The following PDE11A variants were observed in gnomAD, a reference collection of about 807,000 sequenced individuals.
PDE11A encodes the protein dual 3',5'-cyclic-AMP and -GMP phosphodiesterase 11A.
In PDE11A, 100 loss-of-function variants were observed where a neutral mutation model predicts 100.5. The ratio of observed to expected loss-of-function variants is 1.00; its 90% CI spans 0.85 to 1.18. The LOEUF (loss-of-function observed/expected upper bound fraction) is 1.18. PDE11A is among the 50% of genes most tolerant of loss of function. The pLI is 0.00. For synonymous variants in PDE11A, 381 were observed against 420.8 expected (o/e 0.91, Z 1.16); for missense variants, 1,141 against 1,152.6 (o/e 0.99, Z 0.15).
At chr2:177,935,259 C>T (rs2085257445) in intron 2 of PDE11A, among the ~76,000 whole-genome samples, 1 of 152,082 alleles carries the variant, frequency 6.6e-6, no homozygotes. Flanking sequence ...CACCTTTTAC[C>T]AACACCTCAA....
chr2:177,809,178 T>C (rs771423630), intron 9 of PDE11A, among the ~76,000 whole-genome samples: 5 of 152,080 alleles, frequency 3.3e-5, no homozygotes, highest in Admixed American at 2.6e-4. Context: ...GTTCTGGAGA[T>C]GGATAGTGGT....
intron 2 of PDE11A, among the ~76,000 whole-genome samples, chr2:177,959,481 G>A (rs1396952704): frequency 1.3e-5 from 2 of 152,172 alleles, no homozygotes; most frequent in African/African-American, 4.8e-5. Context: ...CCCAATAGGA[G>A]GCTATACCAA....
intron 1 of PDE11A, among the ~76,000 whole-genome samples, chr2:178,049,199 C>A (rs1018538198): frequency 9.2e-5 from 14 of 152,024 alleles, no homozygotes; most frequent in African/African-American, 2.7e-4. Flanking sequence ...GTGCCAGTGG[C>A]ATATGTTAAG....
intron 2 of PDE11A, among the ~76,000 whole-genome samples, chr2:177,908,881 G>T (rs1446033515): frequency 6.6e-6 from 1 of 152,132 alleles, no homozygotes; most frequent in African/African-American, 2.4e-5. Flanking sequence ...TTTAGAATTT[G>T]CAAATACTTT....
chr2:177,866,841 A>G (rs938928638), intron 5 of PDE11A, among the ~76,000 whole-genome samples: 3 of 152,242 alleles, frequency 2.0e-5, no homozygotes, highest in African/African-American at 7.2e-5. Flanking sequence ...ACTTAATAAT[A>G]ACCAATATAG....
intron 6 of PDE11A, among the ~76,000 whole-genome samples, chr2:177,822,622 C>CATACAT (rs1349135532): frequency 6.6e-6 from 1 of 152,090 alleles, no homozygotes; most frequent in East Asian, 1.9e-4. Context: ...AGTTTATACA[C>CATACAT]ATACATATAC....
intron 19 of PDE11A, among the ~76,000 whole-genome samples, chr2:177,647,426 A>T (rs953374201): frequency 4.6e-5 from 7 of 152,130 alleles, no homozygotes; most frequent in African/African-American, 1.7e-4. Context: ...TCACTATAGG[A>T]CCTCAAAGAA....
chr2:177,777,507 T>C (rs1264668468), intron 9 of PDE11A, among the ~76,000 whole-genome samples: 2 of 152,178 alleles, frequency 1.3e-5, no homozygotes, highest in Non-Finnish European at 2.9e-5. Flanking sequence ...AATTGCAGAA[T>C]CATATTATTT....
At chr2:178,081,463 G>T (rs749183445) in intron 2 of PDE11A, among the ~76,000 whole-genome samples, 3 of 152,170 alleles carry the variant, frequency 2.0e-5, no homozygotes, top group Non-Finnish European at 4.4e-5. Flanking sequence ...AAAGAATTTG[G>T]TTAATTTCAG....
chr2:178,081,385 G>C (rs2087283315), intron 2 of PDE11A, among the ~76,000 whole-genome samples: 1 of 151,884 alleles, frequency 6.6e-6, no homozygotes, highest in South Asian at 2.1e-4. Context: ...GTTTATAAAA[G>C]AAAATATAGA....
Position 177,727,733 on chromosome 2 carries a change from T to C in PDE11A, c.1968A>G (p.Lys656=). The change falls in exon 12 of 20, where the codon AAA becomes AAG. Residue 656 remains lysine, a synonymous_variant. Coordinates refer to ENST00000286063, the MANE Select transcript of PDE11A (RefSeq NM_016953.4). ...TLCRWLLTVR[K]NYRMVLYHNW... is the part of the protein sequence containing the mutation. ...TGTGGTATAGAACCATCCGATAGTT[T>C]TTCCTCACTGTCAAAAGCCACCTAC... 1 of 1,611,298 alleles carries C rather than the reference T, an allele frequency of 6.2e-7. No homozygotes were observed. The highest frequency in any genetic ancestry group is 8.5e-7 in the Non-Finnish European group (1 of 1,177,528).
At chr2:178,047,989 T>A (rs530422469) in intron 1 of PDE11A, among the ~76,000 whole-genome samples, 1 of 152,190 alleles carries the variant, frequency 6.6e-6, no homozygotes, top group Admixed American at 6.5e-5. Context: ...GGCCCTCGAA[T>A]AATCTGGCTC....
intron 2 of PDE11A, among the ~76,000 whole-genome samples, chr2:177,907,684 G>A (rs1358160308): frequency 1.3e-5 from 2 of 152,188 alleles, no homozygotes; most frequent in African/African-American, 4.8e-5. Context: ...TTGGAAGATA[G>A]AGATACTGTC....
chr2:177,899,512 CT>C, intron 3 of PDE11A: 1 of 308,638 alleles, frequency 3.2e-6, no homozygotes, highest in Non-Finnish European at 6.6e-6. Flanking sequence ...TACAAAGCAG[CT>C]TTTCCTCACT....
chr2:177,766,361 G>A (rs1452329485), intron 10 of PDE11A, among the ~76,000 whole-genome samples: 2 of 152,160 alleles, frequency 1.3e-5, no homozygotes, highest in African/African-American at 2.4e-5. Context: ...ACCTCCTGCT[G>A]TGTGGCCTGG....
At chr2:178,030,861 CA>C (rs1254331980) in intron 1 of PDE11A, among the ~76,000 whole-genome samples, 1 of 151,822 alleles carries the variant, frequency 6.6e-6, no homozygotes, top group East Asian at 1.9e-4. Context: ...GCCTGGGTGA[CA>C]AAAAGAAGAA....
intron 15 of PDE11A, among the ~76,000 whole-genome samples, chr2:177,689,544 T>C (rs539077564): frequency 6.6e-6 from 1 of 152,316 alleles, no homozygotes; most frequent in Non-Finnish European, 1.5e-5. Flanking sequence ...TAGAGAGATT[T>C]CTGGACTTTC....
intron 2 of PDE11A, among the ~76,000 whole-genome samples, chr2:178,087,998 C>A (rs553279432): frequency 2.0e-5 from 3 of 152,050 alleles, no homozygotes; most frequent in African/African-American, 7.2e-5. Flanking sequence ...CAACCCCTCA[C>A]GTTTTATAGA....
intron 2 of PDE11A, among the ~76,000 whole-genome samples, chr2:177,991,974 A>G (rs2086010614): frequency 6.6e-6 from 1 of 151,318 alleles, no homozygotes; most frequent in African/African-American, 2.4e-5. Context: ...TAACACATTT[A>G]CCCTTATAGT....
Sources: gnomAD v4.1 joint callset for allele counts (sites outside exome capture counted in the v4.1 genomes callset) on GRCh38, gnomAD v4.1.1 for gene constraint, MANE v1.5 for transcripts, NCBI Gene and HGNC (gene_info 2026-07-23, HGNC 2026-07-21) for gene names.